EYS: variants seen among roughly 807,000 people sequenced by gnomAD.
EYS encodes the protein EGF-like photoreceptor maintenance factor.
A neutral mutation model predicts 282.1 loss-of-function variants in EYS; 250 were observed. The observed-to-expected ratio is 0.89, with a 90% CI of 0.80 to 0.98. The LOEUF (loss-of-function observed/expected upper bound fraction) is 0.98. EYS is among the 50% of genes least tolerant of loss of function. The probability of loss-of-function intolerance (pLI) is 0.00; values close to 1 mark genes in which losing one functional copy is unlikely to be tolerated. For missense variants in EYS, 4,016 were observed against 3,709.0 expected, an observed-to-expected ratio of 1.08 and a Z score of -2.15; for synonymous variants, 1,355 against 1,282.9, an observed-to-expected ratio of 1.06 and a Z score of -1.20.
At chr6:64,352,113 T>C (rs1771664123) in intron 29 of EYS, among the ~76,000 whole-genome samples, 2 of 151,550 alleles carry the variant, frequency 1.3e-5, no homozygotes, top group African/African-American at 2.4e-5. Flanking sequence ...CCACTACCCA[T>C]TCTAATCTTT....
intron 19 of EYS, among the ~76,000 whole-genome samples, chr6:64,854,549 A>C (rs1339852161): frequency 7.1e-6 from 1 of 140,260 alleles, no homozygotes; most frequent in Non-Finnish European, 1.5e-5. Flanking sequence ...CAATGAGAAC[A>C]CATGGACACA....
intron 30 of EYS, among the ~76,000 whole-genome samples, chr6:64,295,121 C>T (rs7742785): frequency 0.71 from 107,497 of 150,348 alleles, 38,595 homozygotes; most frequent in African/African-American, 0.79. Context: ...ACGCCTGTAA[C>T]CCCAGCACTT....
chr6:64,664,468 C>A lies in EYS; in HGVS notation c.3444-38223G>T, dbSNP rs181640333. Among the ~76,000 whole-genome samples, 3 of 152,258 alleles carry A rather than the reference C, an allele frequency of 2.0e-5. No individual in the cohort carries two copies. The East Asian group carries it at 5.8e-4, about 29-fold the overall frequency. On this transcript the variant is annotated intron_variant, in intron 22 of 42. Transcript: ENST00000503581. ...GCCTAGGAAATCCAGCTAGTCCTGT[C>A]TCTCAATATGATATGTCTGGAAAGA...
At chr6:64,705,601 GGT>G (rs966031429) in intron 22 of EYS, among the ~76,000 whole-genome samples, 1 of 151,676 alleles carries the variant, frequency 6.6e-6, no homozygotes, top group Non-Finnish European at 1.5e-5. Context: ...TGATAGACTG[GGT>G]TAAGAAAATG....
At chr6:65,252,679 A>G (rs1767358185) in intron 12 of EYS, among the ~76,000 whole-genome samples, 1 of 152,034 alleles carries the variant, frequency 6.6e-6, no homozygotes, top group African/African-American at 2.4e-5. Context: ...ACTTTAAAGT[A>G]GCTATTTTTA....
At chr6:65,288,169 A>G (rs1290595967) in intron 12 of EYS, among the ~76,000 whole-genome samples, 5 of 151,042 alleles carry the variant, frequency 3.3e-5, no homozygotes, top group Non-Finnish European at 7.4e-5. Context: ...TGTTTTTCAG[A>G]ATGTAAGGAG....
chr6:65,594,603 T>C (rs1465694735), intron 2 of EYS, among the ~76,000 whole-genome samples: 3 of 152,102 alleles, frequency 2.0e-5, no homozygotes, highest in Non-Finnish European at 4.4e-5. Context: ...TTTTCTCCCA[T>C]TCTGTAGGTT....
chr6:63,853,038 C>A (rs1035809585), intron 36 of EYS, among the ~76,000 whole-genome samples: 4 of 152,128 alleles, frequency 2.6e-5, no homozygotes, highest in African/African-American at 9.7e-5. Flanking sequence ...ACTGAATGGG[C>A]AAAAGCTGGA....
At chr6:65,632,006 CAGAA>C (rs1318080931) in intron 2 of EYS, among the ~76,000 whole-genome samples, 2 of 152,104 alleles carry the variant, frequency 1.3e-5, no homozygotes, top group African/African-American at 4.8e-5. Context: ...AATTTAATGA[CAGAA>C]AGATTATGGT....
intron 5 of EYS, among the ~76,000 whole-genome samples, chr6:65,456,210 T>C (rs961681485): frequency 6.6e-5 from 10 of 151,944 alleles, no homozygotes; most frequent in Admixed American, 3.9e-4. Context: ...CCTAGCACTT[T>C]GGGAAGCTGA....
chr6:65,030,127 G>C lies in EYS; in HGVS notation c.2137+27487C>G, dbSNP rs139664560. 1.1e-3 allele frequency among the ~76,000 whole-genome samples: 160 copies of C among 152,248 alleles called. 1 individual carries two copies. Among genetic ancestry groups the C allele is most frequent in the Admixed American group, 6.8e-3 (104 of 15,292 alleles). ...TCCCCCAAGTCTGGCCACATTCCCC[G>C]AAGTGTCTGTAGCCTTTGATGACTG... On this transcript the variant is annotated intron_variant, in intron 13 of 42. Coordinates refer to ENST00000503581, the MANE Select transcript of EYS (RefSeq NM_001142800.2).
chr6:64,239,892 T>C (rs1219805209), intron 30 of EYS, among the ~76,000 whole-genome samples: 4 of 152,168 alleles, frequency 2.6e-5, no homozygotes, highest in Non-Finnish European at 4.4e-5. Flanking sequence ...TTTTAGGTCT[T>C]ACATTTACGT....
chr6:65,235,745 C>T (rs189194066), intron 12 of EYS, among the ~76,000 whole-genome samples: 4 of 152,156 alleles, frequency 2.6e-5, no homozygotes, highest in Admixed American at 1.3e-4. Context: ...ATTATGTGTG[C>T]ACCTCTTAAG....
chr6:64,189,800 G>C (rs1765050502), intron 31 of EYS, among the ~76,000 whole-genome samples: 1 of 152,078 alleles, frequency 6.6e-6, no homozygotes, highest in African/African-American at 2.4e-5. Flanking sequence ...ACAGTTGTGT[G>C]GGTCAATTCT....
intron 33 of EYS, among the ~76,000 whole-genome samples, chr6:64,063,198 G>A (rs4710461): frequency 0.22 from 32,739 of 152,050 alleles, 3,755 homozygotes; most frequent in Middle Eastern, 0.33. Flanking sequence ...CGTCTGCACA[G>A]TGATGACTCA....
intron 31 of EYS, among the ~76,000 whole-genome samples, chr6:64,107,285 T>TTTTATATATATATATATATATA (rs1275963690): frequency 9.9e-6 from 1 of 101,502 alleles, no homozygotes; most frequent in Non-Finnish European, 2.0e-5. Context: ...ATATATATAT[T>TTTTATATATATATATATATATA]TATATATATA....
At position 64,248,777 on chromosome 6, in the gene EYS, G is replaced by A. The variant is rs546558628; in HGVS notation, c.6192-17953C>T. ...AATCAACATATCAAAAAGATCGGCCGGGTGCAGTGGCTCACACCTATAATC... is the reference window on the plus strand; with the variant it reads ...AATCAACATATCAAAAAGATCGGCCAGGTGCAGTGGCTCACACCTATAATC... On this transcript the variant is annotated intron_variant, in intron 30 of 42. Coordinates refer to ENST00000503581, the MANE Select transcript of EYS (RefSeq NM_001142800.2). Among the ~76,000 whole-genome samples, 12 of 152,142 alleles carry A rather than the reference G, an allele frequency of 7.9e-5. No homozygotes were observed. The South Asian group carries it at 1.7e-3, about 21-fold the overall frequency.
At chr6:65,137,622 G>A (rs1464372919) in intron 12 of EYS, among the ~76,000 whole-genome samples, 1 of 152,096 alleles carries the variant, frequency 6.6e-6, no homozygotes, top group Non-Finnish European at 1.5e-5. Flanking sequence ...ATTAGCTCAT[G>A]TGAGTGATAA....
intron 12 of EYS, among the ~76,000 whole-genome samples, chr6:65,272,608 A>T (rs1198320365): frequency 1.3e-5 from 2 of 152,152 alleles, no homozygotes; most frequent in Non-Finnish European, 2.9e-5. Flanking sequence ...AACCATTCTC[A>T]GTATCAAAAT....
Sources: allele counts gnomAD v4.1 joint callset (sites outside exome capture counted in the v4.1 genomes callset), GRCh38; gene constraint gnomAD v4.1.1; transcripts MANE v1.5; gene names NCBI Gene and HGNC (gene_info 2026-07-23, HGNC 2026-07-21).